HERC1: variants seen among roughly 807,000 people sequenced by gnomAD.
The protein encoded by HERC1 is probable E3 ubiquitin-protein ligase HERC1.
HERC1 carries 160 observed loss-of-function variants against 554.3 expected under a neutral mutation model. The ratio of observed to expected loss-of-function variants is 0.29; its 90% CI spans 0.25 to 0.33. The LOEUF is 0.33. HERC1 is among the 10% of genes least tolerant of loss of function. The pLI is 1.00. For synonymous variants in HERC1, 2,175 were observed against 2,131.7 expected (o/e 1.02, Z -0.56); for missense variants, 4,919 against 5,918.5 (o/e 0.83, Z 5.54).
intron 54 of HERC1, among the ~76,000 whole-genome samples, chr15:63,649,157 A>C (rs564538560): frequency 2.2e-3 from 337 of 152,334 alleles, no homozygotes; most frequent in African/African-American, 5.6e-3. Flanking sequence ...GATCGAGACC[A>C]TCCTGGCCAA....
rs759043607 is a variant in HERC1, at chr15:63,658,633, A to G, written c.9510T>C (p.Arg3170=). Residue 3170 remains arginine (R), a synonymous_variant, in exon 48 of 78, where the codon CGT becomes CGC. Transcript: ENST00000443617. ...CAGTCACTCTCCTTAAAGCCACCAC[A>G]CGGTCATGAGGGTTTGCTAGGGCAG... ...QAAALANPHD[R]VVALRRVTAA... 1 of 1,613,926 alleles carries G rather than the reference A, an allele frequency of 6.2e-7. No homozygotes were observed. The highest frequency in any genetic ancestry group is 8.5e-7 in the Non-Finnish European group (1 of 1,179,838).
chr15:63,623,996 G>GC, intron 72 of HERC1, 106 bp from the exon 73 acceptor site: 1 of 1,351,346 alleles, frequency 7.4e-7, no homozygotes, highest in Non-Finnish European at 1.0e-6. Flanking sequence ...TAACAGGCAA[G>GC]CACTGTGCTA....
In HERC1 at chr15:63,638,404, T is replaced by C; in HGVS notation, c.12093+7A>G. The C allele has an allele frequency of 1.2e-6, 2 of 1,610,492 alleles. No individual in the cohort carries two copies. The highest frequency in any genetic ancestry group is 1.7e-6 in the Non-Finnish European group (2 of 1,178,668). ...GTTTCTTTTCTATTTTTTATCCTGT[T>C]AGTTACCTGTTGGGCCTGTGAGAAT... On this transcript the variant is annotated splice_region_variant and intron_variant, in intron 63 of 77. Coordinates refer to ENST00000443617, the MANE Select transcript of HERC1 (RefSeq NM_003922.4).
chr15:63,761,398 T>C (rs960908034), intron 3 of HERC1, among the ~76,000 whole-genome samples: 6 of 151,980 alleles, frequency 3.9e-5, no homozygotes, highest in Admixed American at 6.6e-5. Context: ...TGGGCAACCA[T>C]AGCAATACCT....
At chr15:63,770,299 C>T (rs958144472) in intron 2 of HERC1, among the ~76,000 whole-genome samples, 4 of 152,166 alleles carry the variant, frequency 2.6e-5, no homozygotes, top group Admixed American at 2.0e-4. Flanking sequence ...CATTTTCGGT[C>T]CCTTTGCCTC....
At chr15:63,816,121 C>G (rs2077485797) in intron 1 of HERC1, among the ~76,000 whole-genome samples, 1 of 152,074 alleles carries the variant, frequency 6.6e-6, no homozygotes, top group South Asian at 2.1e-4. Flanking sequence ...AAAACTTGTT[C>G]CTCAGATCAC....
In HERC1 at chr15:63,661,941, G is replaced by A. The variant is rs748647000; in HGVS notation, c.8982C>T (p.His2994=). The A allele has an allele frequency of 2.0e-5, 32 of 1,613,830 alleles. No individual in the cohort carries two copies. In the Admixed American group the frequency reaches 5.2e-4, roughly 26 times the overall value. ...CECSVVSFNQ[H]MKRNHPGCGR... is the part of the protein sequence containing the mutation. ...CACAGCCTGGATGGTTTCTCTTCAT[G>A]TGCTGATTGAAGCTGACGACGCTGC... The change falls in exon 45 of 78, where the codon CAC becomes CAT. Residue 2994 remains histidine (H), a synonymous_variant. Coordinates refer to ENST00000443617, the MANE Select transcript of HERC1 (RefSeq NM_003922.4).
intron 16 of HERC1, among the ~76,000 whole-genome samples, 189 bp from the exon 17 acceptor site, chr15:63,728,027 T>A (rs1330997120): frequency 1.3e-5 from 2 of 152,234 alleles, no homozygotes; most frequent in Non-Finnish European, 2.9e-5. Flanking sequence ...CAACAAACAC[T>A]TTATAGGAAA....
intron 1 of HERC1, among the ~76,000 whole-genome samples, chr15:63,809,007 A>C (rs367668344): frequency 1.1e-4 from 16 of 152,316 alleles, no homozygotes; most frequent in African/African-American, 3.9e-4. Context: ...AAAATAAAAA[A>C]TGAAGAAATA....
chr15:63,792,604 T>G (rs1051696272), intron 1 of HERC1, among the ~76,000 whole-genome samples: 3 of 152,176 alleles, frequency 2.0e-5, no homozygotes, highest in African/African-American at 7.2e-5. Flanking sequence ...TAATGTAAAA[T>G]AATATTTAGT....
intron 37 of HERC1, among the ~76,000 whole-genome samples, chr15:63,675,630 G>A (rs927801868): frequency 6.6e-6 from 1 of 152,094 alleles, no homozygotes; most frequent in Non-Finnish European, 1.5e-5. Flanking sequence ...TTTCAGTGAG[G>A]ACTTCATTTC....
At chr15:63,632,163 G>A (rs969266740) in intron 68 of HERC1, 23 of 155,074 alleles carry the variant, frequency 1.5e-4, no homozygotes, top group African/African-American at 4.6e-4. Context: ...CAGAGGCATC[G>A]ATGTTCTCCC....
At chr15:63,809,289 T>C (rs2077227313) in intron 1 of HERC1, among the ~76,000 whole-genome samples, 1 of 152,210 alleles carries the variant, frequency 6.6e-6, no homozygotes, top group Non-Finnish European at 1.5e-5. Context: ...GTCAGTCCTA[T>C]TTGTACATTT....
At position 63,713,682 on chromosome 15, in the gene HERC1, A is replaced by C; in HGVS notation, c.4151-17T>G. 1 of 1,594,198 alleles carries C rather than the reference A, an allele frequency of 6.3e-7. No homozygotes were observed. Among genetic ancestry groups the C allele is most frequent in the Non-Finnish European group, 8.6e-7 (1 of 1,167,910 alleles). On this transcript the variant is annotated splice_polypyrimidine_tract_variant and intron_variant, in intron 22 of 77. Transcript: ENST00000443617. ...GAAAGATTTCTGTAACATGCAACACAAAAACAAGGTCTTAACACATGGGGA... is the reference window on the plus strand; with the variant it reads ...GAAAGATTTCTGTAACATGCAACACCAAAACAAGGTCTTAACACATGGGGA...
intron 25 of HERC1, among the ~76,000 whole-genome samples, chr15:63,705,537 C>G (rs2072958818): frequency 6.6e-6 from 1 of 152,086 alleles, no homozygotes; most frequent in Non-Finnish European, 1.5e-5. Flanking sequence ...TGCTTTCCCT[C>G]ATTTCTGTTT....
intron 12 of HERC1, among the ~76,000 whole-genome samples, chr15:63,745,543 C>T (rs1189309282): frequency 6.6e-6 from 1 of 152,192 alleles, no homozygotes; most frequent in Non-Finnish European, 1.5e-5. Context: ...AACAGGATAG[C>T]ATTGAGTTCA....
intron 1 of HERC1, among the ~76,000 whole-genome samples, chr15:63,796,223 A>C (rs2076808341): frequency 6.6e-6 from 1 of 152,232 alleles, no homozygotes. Context: ...AATTTAGTCC[A>C]CTACTAAAGG....
chr15:63,624,272 C>A lies in HERC1; in HGVS notation c.13331G>T (p.Arg4444Leu). 6.2e-7 allele frequency: 1 copy of A among 1,613,640 alleles called. No individual in the cohort carries two copies. The highest frequency in any genetic ancestry group is 8.5e-7 in the Non-Finnish European group (1 of 1,179,696). ...GTWGIVQGQL[R>L]PLLAPRVYTL... ...GTAGACTCTTGGGGCTAACAAAGGC[C>A]GAAGTTGTCCCTGTACAATGCCCCA... Residue 4444 changes from arginine to leucine, a missense_variant, in exon 72 of 78, where the codon CGG (arginine) becomes CTG (leucine). By Grantham distance (102) the Arg-to-Leu change is moderately radical. Around this residue, in one of 11 missense-constraint regions of HERC1, gnomAD observed 410 missense variants for 467.0 expected, o/e 0.88. Transcript: ENST00000443617.
rs749340318 is a variant in HERC1, at chr15:63,662,940, G to A, written c.8901+44C>T. On this transcript the variant is annotated intron_variant, in intron 44 of 77. Coordinates refer to ENST00000443617, the MANE Select transcript of HERC1 (RefSeq NM_003922.4). ...GTTAGTAAGCTATATGAACAGGAGG[G>A]CAGGAAAATAAGTCAGAGCAGCCCC... is the stretch of plus-strand genomic sequence containing the variant. 2.1e-6 allele frequency: 3 copies of A among 1,451,746 alleles called. No homozygotes were observed. The South Asian group carries it at 3.5e-5, about 17-fold the overall frequency. 89.9% of individuals were successfully genotyped at this position (1,451,746 alleles called of 1,614,324 possible). A position where few individuals can be genotyped will look rare whatever the true frequency, so the allele number is the denominator to read the frequency against.
Sources: allele counts gnomAD v4.1 joint callset (sites outside exome capture counted in the v4.1 genomes callset), GRCh38; gene constraint gnomAD v4.1.1; regional missense constraint gnomAD v4.1.1; transcripts MANE v1.5; gene names NCBI Gene and HGNC (gene_info 2026-07-23, HGNC 2026-07-21).